The following EDC3 variants were observed in gnomAD, a reference collection of about 807,000 sequenced individuals.
EDC3 encodes the protein enhancer of mRNA decapping 3.
EDC3 carries 20 observed loss-of-function variants against 41.8 expected under a neutral mutation model. That is an observed-to-expected ratio of 0.48 (90% CI 0.34 to 0.70). The LOEUF (loss-of-function observed/expected upper bound fraction) is 0.70. Ranked by LOEUF, EDC3 falls within the 30% of genes least tolerant of loss-of-function variation. The pLI is 0.01. For synonymous variants in EDC3, 206 were observed against 243.2 expected (o/e 0.85, Z 1.42); for missense variants, 444 against 636.8 (o/e 0.70, Z 3.26).
intron 1 of EDC3, among the ~76,000 whole-genome samples, chr15:74,680,563 T>C (rs1000089853): frequency 3.3e-5 from 5 of 152,176 alleles, no homozygotes; most frequent in Non-Finnish European, 7.3e-5. Context: ...GGTGAAAGAC[T>C]GAATGCTTTC....
At chr15:74,675,725 C>T (rs1463114315) in intron 1 of EDC3, among the ~76,000 whole-genome samples, 1 of 150,718 alleles carries the variant, frequency 6.6e-6, no homozygotes, top group Non-Finnish European at 1.5e-5. Context: ...CTAAAATATA[C>T]AAAAAATTAG....
At position 74,656,075 on chromosome 15, in the gene EDC3, A is replaced by G; in HGVS notation, c.485-7T>C. Reference sequence around the variant, plus strand: ...TGCCTGCTACTAGATGACCCTGGAGAAAAAATAGGGACTAAAGTCAGTGTA... The same window carrying G: ...TGCCTGCTACTAGATGACCCTGGAGGAAAAATAGGGACTAAAGTCAGTGTA... On this transcript the variant is annotated splice_region_variant and splice_polypyrimidine_tract_variant and intron_variant, in intron 3 of 6. Transcript: ENST00000315127. 1 of 1,605,462 alleles carries G rather than the reference A, an allele frequency of 6.2e-7. No homozygotes were observed. The highest frequency in any genetic ancestry group is 8.5e-7 in the Non-Finnish European group (1 of 1,175,334).
chr15:74,658,707 G>A (rs1262123369), intron 3 of EDC3, among the ~76,000 whole-genome samples: 6 of 149,834 alleles, frequency 4.0e-5, no homozygotes, highest in Admixed American at 6.7e-5. Context: ...TTGGGAGGCC[G>A]AGGCAGGCAG....
At chr15:74,660,900 C>A (rs933275821) in intron 3 of EDC3, among the ~76,000 whole-genome samples, 2 of 152,188 alleles carry the variant, frequency 1.3e-5, no homozygotes, top group African/African-American at 4.8e-5. Context: ...TTTGAGATAT[C>A]TGAGGAAAAT....
chr15:74,685,729 A>G (rs1222764453), intron 1 of EDC3, among the ~76,000 whole-genome samples: 1 of 152,154 alleles, frequency 6.6e-6, no homozygotes, highest in Non-Finnish European at 1.5e-5. Context: ...AAGTCAGAAA[A>G]CAGCTAGCAG....
At chr15:74,655,596 A>G (rs1457414849) in intron 4 of EDC3, 137 bp downstream of exon 4, 5 of 847,164 alleles carry the variant, frequency 5.9e-6, no homozygotes, top group Non-Finnish European at 8.9e-6. Context: ...CCAAGAGACA[A>G]TAATACCGGG....
intron 4 of EDC3, among the ~76,000 whole-genome samples, chr15:74,654,429 C>T (rs1417403969): frequency 6.6e-6 from 1 of 152,176 alleles, no homozygotes; most frequent in Non-Finnish European, 1.5e-5. Context: ...AGATAGTTGG[C>T]TGATCTGGAG....
chr15:74,675,530 T>A, intron 1 of EDC3, among the ~76,000 whole-genome samples: 1 of 150,382 alleles, frequency 6.6e-6, no homozygotes, highest in African/African-American at 2.4e-5. Flanking sequence ...ATGCCACTCT[T>A]GCTGATGATG....
At chr15:74,678,685 T>C (rs2062834593) in intron 1 of EDC3, among the ~76,000 whole-genome samples, 1 of 151,934 alleles carries the variant, frequency 6.6e-6, no homozygotes, top group African/African-American at 2.4e-5. Context: ...AGATCAGCAG[T>C]TTGTGACCAG....
intron 4 of EDC3, among the ~76,000 whole-genome samples, chr15:74,645,709 A>G (rs1297157630): frequency 6.6e-6 from 1 of 150,578 alleles, no homozygotes; most frequent in African/African-American, 2.5e-5. Flanking sequence ...TCTCTACTAA[A>G]AATACAAAAA....
chr15:74,695,462 C>T (rs932578230), intron 1 of EDC3: 3 of 152,046 alleles, frequency 2.0e-5, no homozygotes, highest in African/African-American at 2.4e-5. Context: ...CTTTTTCTAC[C>T]CTCCAGTTCA....
At chr15:74,683,660 G>A (rs1482202439) in intron 1 of EDC3, among the ~76,000 whole-genome samples, 2 of 152,022 alleles carry the variant, frequency 1.3e-5, no homozygotes, top group African/African-American at 2.4e-5. Context: ...TAGGGCATAA[G>A]GAATCTCTCT....
intron 1 of EDC3, among the ~76,000 whole-genome samples, chr15:74,686,737 G>A (rs927053412): frequency 8.6e-5 from 13 of 151,340 alleles, no homozygotes; most frequent in South Asian, 2.1e-4. Flanking sequence ...CAGAAATTGC[G>A]CCACTGCACT....
intron 2 of EDC3, among the ~76,000 whole-genome samples, chr15:74,673,146 C>T (rs929708707): frequency 3.9e-5 from 6 of 152,004 alleles, no homozygotes; most frequent in Non-Finnish European, 5.9e-5. Flanking sequence ...ACATCATGAT[C>T]ACAATGGATT....
intron 3 of EDC3, among the ~76,000 whole-genome samples, chr15:74,669,136 C>T (rs371513253): frequency 1.5e-4 from 22 of 151,624 alleles, no homozygotes; most frequent in African/African-American, 5.1e-4. Context: ...TTTGGGAGGC[C>T]GAGAGTTTGA....
At chr15:74,653,144 G>A (rs1033566017) in intron 4 of EDC3, among the ~76,000 whole-genome samples, 16 of 148,082 alleles carry the variant, frequency 1.1e-4, no homozygotes, top group African/African-American at 3.5e-4. Flanking sequence ...CTGAGATCAC[G>A]CCACTGCACT....
At chr15:74,654,992 T>C (rs2062528461) in intron 4 of EDC3, among the ~76,000 whole-genome samples, 1 of 152,196 alleles carries the variant, frequency 6.6e-6, no homozygotes, top group Non-Finnish European at 1.5e-5. Flanking sequence ...TCAATAACAA[T>C]GGTTTTCAAA....
intron 3 of EDC3, among the ~76,000 whole-genome samples, chr15:74,657,641 A>G (rs1042441671): frequency 6.6e-6 from 1 of 152,216 alleles, no homozygotes; most frequent in Non-Finnish European, 1.5e-5. Context: ...CTGGTCTTAT[A>G]GCCTGAAGCT....
At chr15:74,693,193 G>A (rs76446350) in intron 1 of EDC3, among the ~76,000 whole-genome samples, 5,918 of 152,242 alleles carry the variant, frequency 0.039, 150 homozygotes, top group Middle Eastern at 0.13. Flanking sequence ...GCATTTTCCT[G>A]ATACAATATA....
Sources: allele counts gnomAD v4.1 joint callset (sites outside exome capture counted in the v4.1 genomes callset), GRCh38; gene constraint gnomAD v4.1.1; transcripts MANE v1.5; gene names NCBI Gene and HGNC (gene_info 2026-07-23, HGNC 2026-07-21).